Variants in DOCK1 observed in about 807,000 individuals in gnomAD.
DOCK1 encodes dedicator of cytokinesis 1.
A neutral mutation model predicts 262.7 loss-of-function variants in DOCK1; 138 were observed. That is an observed-to-expected ratio of 0.53 (90% CI 0.46 to 0.61). The LOEUF is 0.61. Among genes scored for constraint, DOCK1 ranks in the 20% least tolerant of loss-of-function variants. The probability of loss-of-function intolerance (pLI) is 0.00; values close to 1 mark genes in which losing one functional copy is unlikely to be tolerated. For missense variants in DOCK1, 1,908 were observed against 2,370.7 expected, an observed-to-expected ratio of 0.80 and a Z score of 4.05; for synonymous variants, 866 against 867.4, an observed-to-expected ratio of 1.00 and a Z score of 0.03.
intron 27 of DOCK1, among the ~76,000 whole-genome samples, chr10:127,171,298 A>G (rs2054547351): frequency 6.6e-6 from 1 of 152,270 alleles, no homozygotes; most frequent in Non-Finnish European, 1.5e-5. Flanking sequence ...TAAGAACTAC[A>G]GGGAAGCACT....
At chr10:127,338,317 C>T (rs1026650927) in intron 29 of DOCK1, among the ~76,000 whole-genome samples, 20 of 152,124 alleles carry the variant, frequency 1.3e-4, no homozygotes, top group Non-Finnish European at 2.5e-4. Flanking sequence ...TCTAGAGTCA[C>T]GTGTGATCGC....
At chr10:127,327,710 C>T (rs1011883556) in intron 29 of DOCK1, among the ~76,000 whole-genome samples, 3 of 152,174 alleles carry the variant, frequency 2.0e-5, no homozygotes, top group Non-Finnish European at 2.9e-5. Context: ...ATGCTTTCAA[C>T]AGTAGCTACC....
chr10:126,946,910 G>C (rs1263604061), intron 1 of DOCK1, among the ~76,000 whole-genome samples: 1 of 152,154 alleles, frequency 6.6e-6, no homozygotes, highest in African/African-American at 2.4e-5. Flanking sequence ...CCCATCTCAC[G>C]GTCACAGCGG....
At chr10:126,949,337 G>A (rs1438567182) in intron 1 of DOCK1, among the ~76,000 whole-genome samples, 1 of 152,068 alleles carries the variant, frequency 6.6e-6, no homozygotes, top group Non-Finnish European at 1.5e-5. Context: ...GCACTTCTTG[G>A]TTGGACATGT....
intron 27 of DOCK1, among the ~76,000 whole-genome samples, chr10:127,180,080 A>G (rs1429706952): frequency 6.6e-6 from 1 of 152,140 alleles, no homozygotes; most frequent in Non-Finnish European, 1.5e-5. Flanking sequence ...GCCCTAACCC[A>G]CTACCCCTGC....
intron 1 of DOCK1, among the ~76,000 whole-genome samples, chr10:126,955,675 C>T (rs2036675490): frequency 6.6e-6 from 1 of 152,046 alleles, no homozygotes; most frequent in Non-Finnish European, 1.5e-5. Flanking sequence ...AGCTGGCAGG[C>T]AGGAGGGATG....
chr10:127,061,876 C>G, intron 23 of DOCK1, 100 bp downstream of exon 23: 2 of 756,730 alleles, frequency 2.6e-6, no homozygotes, highest in Admixed American at 3.3e-5. Flanking sequence ...TAACTTGCCC[C>G]AAATACCATA....
intron 29 of DOCK1, among the ~76,000 whole-genome samples, chr10:127,287,043 G>A (rs1004911379): frequency 1.8e-4 from 28 of 151,718 alleles, no homozygotes; most frequent in Admixed American, 6.6e-4. Flanking sequence ...GAGTGGCTGG[G>A]ACTACAAGCA....
At chr10:127,058,607 CCA>C (rs1228699828) in intron 22 of DOCK1, among the ~76,000 whole-genome samples, 2 of 151,780 alleles carry the variant, frequency 1.3e-5, no homozygotes, top group Non-Finnish European at 2.9e-5. Context: ...TTCTTTTATA[CCA>C]GTTACACTTT....
intron 1 of DOCK1, among the ~76,000 whole-genome samples, chr10:126,927,022 T>C (rs2033787272): frequency 6.6e-6 from 1 of 152,172 alleles, no homozygotes; most frequent in African/African-American, 2.4e-5. Context: ...AGTGGGCAAT[T>C]GAGAAGGAGA....
chr10:127,081,686 C>T (rs2046906913), intron 23 of DOCK1, among the ~76,000 whole-genome samples: 1 of 152,148 alleles, frequency 6.6e-6, no homozygotes. Context: ...GGGGAAAATG[C>T]CTGTGTCCTG....
intron 22 of DOCK1, among the ~76,000 whole-genome samples, chr10:127,057,119 A>G (rs2045212418): frequency 6.6e-6 from 1 of 152,226 alleles, no homozygotes; most frequent in African/African-American, 2.4e-5. Context: ...ACAGATATCT[A>G]GGATGTTTGA....
chr10:127,102,977 AC>A, intron 23 of DOCK1, among the ~76,000 whole-genome samples: 1 of 152,174 alleles, frequency 6.6e-6, no homozygotes, highest in Non-Finnish European at 1.5e-5. Context: ...CCGCTTCCCC[AC>A]CAGCCACTGA....
At position 127,418,593 on chromosome 10, in the gene DOCK1, C is replaced by G. The variant is rs373701961; in HGVS notation, c.4692+52C>G. ...GCAAGCAGTCCTGCCCGGGGACAGACTGAAAATTCCCGAGAGTCCCCAAAG... is the reference window on the plus strand; with the variant it reads ...GCAAGCAGTCCTGCCCGGGGACAGAGTGAAAATTCCCGAGAGTCCCCAAAG... On this transcript the variant is annotated intron_variant, in intron 45 of 51. Transcript: ENST00000623213. 1.9e-6 allele frequency: 3 copies of G among 1,550,176 alleles called. No individual in the cohort carries two copies. In the African/African-American group the frequency reaches 4.1e-5, roughly 21 times the overall value.
chr10:127,162,260 C>A (rs545258239), intron 27 of DOCK1, among the ~76,000 whole-genome samples: 3 of 152,244 alleles, frequency 2.0e-5, no homozygotes, highest in Admixed American at 2.0e-4. Context: ...TATGAACATG[C>A]ATTTTCTATA....
intron 27 of DOCK1, among the ~76,000 whole-genome samples, chr10:127,183,761 A>G (rs150656096): frequency 6.6e-6 from 1 of 152,310 alleles, no homozygotes; most frequent in East Asian, 1.9e-4. Flanking sequence ...GCTGGTGAAG[A>G]GAAAATAAAC....
chr10:127,145,787 T>G, intron 27 of DOCK1: 1 of 312,966 alleles, frequency 3.2e-6, no homozygotes, highest in South Asian at 2.5e-5. Context: ...TCCATCCTGA[T>G]ACCCATTGAG....
intron 29 of DOCK1, among the ~76,000 whole-genome samples, chr10:127,307,371 G>A (rs888022442): frequency 6.6e-6 from 1 of 152,106 alleles, no homozygotes; most frequent in African/African-American, 2.4e-5. Context: ...CCTCTTCCCC[G>A]CCTGCCCTCT....
chr10:127,043,664 GC>G (rs1053289853), intron 21 of DOCK1, among the ~76,000 whole-genome samples: 20 of 152,160 alleles, frequency 1.3e-4, no homozygotes, highest in Admixed American at 8.5e-4. Context: ...CCACCCCTCT[GC>G]CCGTCTGTGC....
Sources: allele counts gnomAD v4.1 joint callset (sites outside exome capture counted in the v4.1 genomes callset), GRCh38; gene constraint gnomAD v4.1.1; transcripts MANE v1.5; gene names NCBI Gene and HGNC (gene_info 2026-07-23, HGNC 2026-07-21).